RIC1: variants seen among roughly 807,000 people sequenced by gnomAD.
The protein encoded by RIC1 is guanine nucleotide exchange factor subunit RIC1.
RIC1 carries 88 observed loss-of-function variants against 169.0 expected under a neutral mutation model. The ratio of observed to expected loss-of-function variants is 0.52; its 90% CI spans 0.44 to 0.62. RIC1 has a LOEUF of 0.62. Ranked by LOEUF, RIC1 falls within the 20% of genes least tolerant of loss-of-function variation. The pLI is 0.00. For synonymous variants in RIC1, 790 were observed against 601.5 expected (o/e 1.31, Z -4.59); for missense variants, 1,877 against 1,725.5 (o/e 1.09, Z -1.56).
chr9:5,685,121 A>G (rs1222299286), intron 2 of RIC1, among the ~76,000 whole-genome samples: 1 of 151,824 alleles, frequency 6.6e-6, no homozygotes, highest in Non-Finnish European at 1.5e-5. Context: ...TCAAGGAAAT[A>G]AAAGAGGATA....
chr9:5,757,478 G>A lies in RIC1; in HGVS notation c.1992+27G>A, dbSNP rs745463692. ...TACCACTCCATTATCAAAGGTCTTT[G>A]GAGTTTACATTTCTGTTTTTAGTAT... On this transcript the variant is annotated intron_variant, in intron 17 of 25. Transcript: ENST00000414202. 3.7e-5 allele frequency: 59 copies of A among 1,611,528 alleles called. 1 individual carries two copies. In the Admixed American group the frequency reaches 5.9e-4, roughly 16 times the overall value.
intron 3 of RIC1, among the ~76,000 whole-genome samples, chr9:5,694,135 A>G (rs1038368897): frequency 6.6e-6 from 1 of 152,168 alleles, no homozygotes; most frequent in Non-Finnish European, 1.5e-5. Flanking sequence ...GAGCATAGCT[A>G]CCTGAGGTTA....
At chr9:5,712,654 A>G (rs1039106251) in intron 3 of RIC1, among the ~76,000 whole-genome samples, 1 of 152,198 alleles carries the variant, frequency 6.6e-6, no homozygotes, top group Non-Finnish European at 1.5e-5. Flanking sequence ...TTCTGTATAT[A>G]TATTACTTTG....
chr9:5,664,660 C>A (rs1819647364), intron 2 of RIC1, among the ~76,000 whole-genome samples: 1 of 152,134 alleles, frequency 6.6e-6, no homozygotes, highest in South Asian at 2.1e-4. Context: ...GTTGGCCTGT[C>A]TTCCTAGGTT....
At chr9:5,735,544 A>C (rs1312136492) in intron 7 of RIC1, among the ~76,000 whole-genome samples, 1 of 152,212 alleles carries the variant, frequency 6.6e-6, no homozygotes, top group Non-Finnish European at 1.5e-5. Flanking sequence ...ATCAGCTACG[A>C]GACTACAAGT....
intron 2 of RIC1, among the ~76,000 whole-genome samples, chr9:5,680,763 C>A (rs142598479): frequency 1.5e-4 from 22 of 147,370 alleles, no homozygotes; most frequent in East Asian, 4.1e-4. Context: ...GTCTTGCTAG[C>A]GGTCTATCAA....
chr9:5,706,911 G>A (rs187855415), intron 3 of RIC1, among the ~76,000 whole-genome samples: 7 of 151,966 alleles, frequency 4.6e-5, no homozygotes, highest in Admixed American at 2.6e-4. Context: ...TTCTATTCTC[G>A]ATTTCATGTA....
rs556716059 is a variant in RIC1 at position 5,641,666 on chromosome 9, A to G, written c.144+12213A>G. ...TGTCAAGTAGCCTGTCTCCAAGCCC[A>G]CTAATTCTTTCTTCTGCTTGATCAA... On this transcript the variant is annotated intron_variant, in intron 1 of 25. Coordinates refer to ENST00000414202, the MANE Select transcript of RIC1 (RefSeq NM_020829.4). 5.2e-4 allele frequency among the ~76,000 whole-genome samples: 76 copies of G among 145,146 alleles called. 2 individuals carry two copies. The highest frequency in any genetic ancestry group is 1.0e-4 in the Non-Finnish European group (7 of 67,312).
At chr9:5,766,530 A>G (rs917368829) in intron 21 of RIC1, among the ~76,000 whole-genome samples, 1 of 151,918 alleles carries the variant, frequency 6.6e-6, no homozygotes, top group East Asian at 1.9e-4. Flanking sequence ...CCCAAAGTCC[A>G]TTGTATCATT....
chr9:5,647,693 C>T (rs981651521), intron 1 of RIC1, among the ~76,000 whole-genome samples: 1 of 152,154 alleles, frequency 6.6e-6, no homozygotes, highest in Non-Finnish European at 1.5e-5. Flanking sequence ...CATCTTCAAA[C>T]ATATAATTTT....
At chr9:5,630,272 C>T (rs1179424665) in intron 1 of RIC1, among the ~76,000 whole-genome samples, 3 of 152,220 alleles carry the variant, frequency 2.0e-5, no homozygotes, top group Non-Finnish European at 4.4e-5. Flanking sequence ...TCCCTACTCT[C>T]TGCAAACACT....
intron 3 of RIC1, among the ~76,000 whole-genome samples, chr9:5,691,871 C>T (rs1821608704): frequency 6.6e-6 from 1 of 151,966 alleles, no homozygotes; most frequent in African/African-American, 2.4e-5. Flanking sequence ...TTCTTTATTT[C>T]AGTTCACTAA....
intron 4 of RIC1, among the ~76,000 whole-genome samples, chr9:5,716,989 GTT>G (rs1287383119): frequency 6.6e-6 from 1 of 152,154 alleles, no homozygotes; most frequent in East Asian, 1.9e-4. Flanking sequence ...GTTTTAACAA[GTT>G]TGTCCACTTT....
chr9:5,652,437 T>C (rs1818855627), intron 1 of RIC1, among the ~76,000 whole-genome samples: 1 of 152,190 alleles, frequency 6.6e-6, no homozygotes, highest in Admixed American at 6.5e-5. Flanking sequence ...AATTAAATTT[T>C]TTGTTCTTTG....
chr9:5,744,096 T>C (rs1825243389), intron 10 of RIC1, among the ~76,000 whole-genome samples: 1 of 152,124 alleles, frequency 6.6e-6, no homozygotes. Context: ...TATACAGTTC[T>C]TGCTTGATGA....
chr9:5,747,911 G>A (rs1283960750), intron 12 of RIC1, among the ~76,000 whole-genome samples: 1 of 152,110 alleles, frequency 6.6e-6, no homozygotes, highest in Non-Finnish European at 1.5e-5. Context: ...CAGTCTTAAG[G>A]GGCCACGTTG....
At chr9:5,697,662 T>C (rs1220619284) in intron 3 of RIC1, among the ~76,000 whole-genome samples, 1 of 152,166 alleles carries the variant, frequency 6.6e-6, no homozygotes, top group Non-Finnish European at 1.5e-5. Flanking sequence ...AAAGAAATCG[T>C]TCTGAGCCTT....
chr9:5,687,948 A>T (rs1821352822), intron 2 of RIC1, among the ~76,000 whole-genome samples: 1 of 151,910 alleles, frequency 6.6e-6, no homozygotes, highest in Non-Finnish European at 1.5e-5. Context: ...CATTATGGAT[A>T]ATTTTTATTG....
At chr9:5,680,815 ATTTTTTTTTTTT>A (rs66478510) in intron 2 of RIC1, among the ~76,000 whole-genome samples, 1,482 of 57,784 alleles carry the variant, frequency 0.026, 37 homozygotes, top group African/African-American at 0.08. Flanking sequence ...GCAGTCATTG[ATTTTTTTTTTTT>A]TTTTTTTTTT....
Sources: allele counts gnomAD v4.1 joint callset (sites outside exome capture counted in the v4.1 genomes callset), GRCh38; gene constraint gnomAD v4.1.1; transcripts MANE v1.5; gene names NCBI Gene and HGNC (gene_info 2026-07-23, HGNC 2026-07-21).